The following KCNAB2 variants were observed in gnomAD, a reference collection of about 807,000 sequenced individuals.
KCNAB2 encodes the protein voltage-gated potassium channel subunit beta-2.
In KCNAB2, 29 loss-of-function variants were observed where a neutral mutation model predicts 63.6. The observed-to-expected ratio is 0.46, with a 90% CI of 0.34 to 0.62. The LOEUF (loss-of-function observed/expected upper bound fraction) is 0.62. Ranked by LOEUF, KCNAB2 falls within the 20% of genes least tolerant of loss-of-function variation. The probability of loss-of-function intolerance (pLI) is 0.01; values close to 1 mark genes in which losing one functional copy is unlikely to be tolerated. For missense variants in KCNAB2, 359 were observed against 563.9 expected (o/e 0.64, Z 3.68); for synonymous variants, 222 against 224.2 (o/e 0.99, Z 0.09).
At chr1:6,014,932 C>T (rs937126465) in intron 1 of KCNAB2, among the ~76,000 whole-genome samples, 1 of 151,990 alleles carries the variant, frequency 6.6e-6, no homozygotes, top group South Asian at 2.1e-4. Flanking sequence ...GCTCCAGCCC[C>T]CAGAGGAGCA....
At chr1:6,036,277 C>T (rs1281402406) in intron 1 of KCNAB2, among the ~76,000 whole-genome samples, 2 of 151,980 alleles carry the variant, frequency 1.3e-5, no homozygotes, top group African/African-American at 2.4e-5. Context: ...CCGAGGCGGG[C>T]GGATCACTTG....
chr1:6,029,572 A>C (rs1162890056), upstream of KCNAB2, among the ~76,000 whole-genome samples: 1 of 152,206 alleles, frequency 6.6e-6, no homozygotes, highest in Admixed American at 6.5e-5. Context: ...CCTCTGCCTG[A>C]TGTGACACCA....
In KCNAB2 at chr1:6,074,969, AG is replaced by A. The variant is rs961702730; in HGVS notation, c.300+1200del. On this transcript the variant is annotated intron_variant, in intron 4 of 15. Transcript: ENST00000378083. This position sits in a 1 kb window ranked among gnomAD's most constrained non-coding sequence, Gnocchi z 4.9. ...ACTCTGTCTCGAAAAAAAAAAAAAA[AG>A]ACAATAGCTGGTTATAGAATGATTT... Among the ~76,000 whole-genome samples, 1 of 151,466 alleles carries A rather than the reference AG, an allele frequency of 6.6e-6. No homozygotes were observed. The highest frequency in any genetic ancestry group is 2.4e-5 in the African/African-American group (1 of 41,186).
At chr1:5,996,954 C>G (rs1441300069) in intron 1 of KCNAB2, among the ~76,000 whole-genome samples, 1 of 152,196 alleles carries the variant, frequency 6.6e-6, no homozygotes, top group Non-Finnish European at 1.5e-5. Context: ...TCCTGAGTCA[C>G]CAGCCTGGGC....
intron 1 of KCNAB2, among the ~76,000 whole-genome samples, chr1:6,022,303 GTGTA>G (rs1240434249): frequency 6.6e-6 from 1 of 152,056 alleles, no homozygotes; most frequent in African/African-American, 2.4e-5. Flanking sequence ...GTGGTACTGA[GTGTA>G]TGGCTCAGTG....
At chr1:6,058,619 C>T (rs1047027165) in intron 2 of KCNAB2, among the ~76,000 whole-genome samples, 2 of 152,242 alleles carry the variant, frequency 1.3e-5, no homozygotes, top group Non-Finnish European at 2.9e-5. Context: ...ACACAGCAGT[C>T]GCTGTCCAGG....
chr1:6,052,253 C>A (rs1570964311), intron 2 of KCNAB2, among the ~76,000 whole-genome samples: 1 of 152,070 alleles, frequency 6.6e-6, no homozygotes, highest in African/African-American at 2.4e-5. Context: ...AAAACCCCAT[C>A]TCTACCCCAA....
At position 6,099,298 on chromosome 1, in the gene KCNAB2, G is replaced by A. The variant is rs1162288228; in HGVS notation, c.*724G>A. 1 of 153,620 alleles carries A rather than the reference G, an allele frequency of 6.5e-6. No individual in the cohort carries two copies. The highest frequency in any genetic ancestry group is 6.5e-5 in the Admixed American group (1 of 15,450). 9.5% of individuals were successfully genotyped at this position (153,620 alleles called of 1,614,324 possible). On this transcript the variant is annotated 3_prime_UTR_variant, in exon 16 of 16. Coordinates refer to ENST00000378083, the MANE Select transcript of KCNAB2 (RefSeq NM_001199862.2). ...CCAGGGGGATTGACTCTGCAGTTTG[G>A]GAGCCACAAAAAGCGTAGCGGTGTG...
intron 2 of KCNAB2, among the ~76,000 whole-genome samples, chr1:6,061,364 C>G (rs1409249464): frequency 6.6e-6 from 1 of 151,720 alleles, no homozygotes. Flanking sequence ...AGCACCGGGC[C>G]GGGCGGGGGC....
intron 1 of KCNAB2, chr1:6,018,830 ACC>A (rs1412810831): frequency 6.6e-6 from 1 of 152,216 alleles, no homozygotes; most frequent in African/African-American, 2.4e-5. Context: ...TGTTTCAGCC[ACC>A]CAGGTTGTGG....
chr1:6,098,627 C>G lies in KCNAB2; in HGVS notation c.*53C>G, dbSNP rs893767769. ...TTTCCGTTCCCTCCTAGTCTCTGTT[C>G]GCTCGCTTAAGCTGTTTTGAAGCCA... On this transcript the variant is annotated 3_prime_UTR_variant, in exon 16 of 16. Coordinates refer to ENST00000378083, the MANE Select transcript of KCNAB2 (RefSeq NM_001199862.2). 1 of 1,593,672 alleles carries G rather than the reference C, an allele frequency of 6.3e-7. No homozygotes were observed. The highest frequency in any genetic ancestry group is 8.6e-7 in the Non-Finnish European group (1 of 1,168,800).
At chr1:6,080,161 C>T (rs1225774571) in intron 4 of KCNAB2, among the ~76,000 whole-genome samples, 1 of 152,220 alleles carries the variant, frequency 6.6e-6, no homozygotes, top group Non-Finnish European at 1.5e-5. Flanking sequence ...CAGACTTAGC[C>T]CCTTCGGGGC....
At chr1:6,002,503 T>A (rs1321656883) in intron 1 of KCNAB2, among the ~76,000 whole-genome samples, 1 of 152,246 alleles carries the variant, frequency 6.6e-6, no homozygotes, top group Non-Finnish European at 1.5e-5. Context: ...ACAGACTCCC[T>A]GATGCCTGTC....
intron 1 of KCNAB2, among the ~76,000 whole-genome samples, chr1:6,048,942 C>T (rs970730460): frequency 3.9e-5 from 6 of 152,228 alleles, no homozygotes; most frequent in Admixed American, 1.3e-4. Flanking sequence ...TCCTGGAGTC[C>T]GGGCCTCTCT....
intron 10 of KCNAB2, 21 bp downstream of exon 10, chr1:6,091,328 G>A (rs1433898235): frequency 5.3e-6 from 8 of 1,501,518 alleles, no homozygotes; most frequent in African/African-American, 2.8e-5. Context: ...CCCCCAGCCT[G>A]ACTATTGACT....
At chr1:6,072,254 A>G (rs1301557533) in intron 2 of KCNAB2, among the ~76,000 whole-genome samples, 1 of 152,172 alleles carries the variant, frequency 6.6e-6, no homozygotes. Context: ...CAGCCCTACC[A>G]TGGAGCTCCC....
upstream of KCNAB2, among the ~76,000 whole-genome samples, chr1:6,031,411 C>T (rs1289918473): frequency 1.3e-5 from 2 of 152,330 alleles, no homozygotes; most frequent in East Asian, 3.9e-4. This position sits in a 1 kb window ranked among gnomAD's most constrained non-coding sequence, Gnocchi z 4.1. Context: ...TTAACTCCAA[C>T]AGAGAAATTG....
intron 5 of KCNAB2, among the ~76,000 whole-genome samples, chr1:6,084,191 AC>A (rs1186202213): frequency 6.6e-6 from 1 of 152,234 alleles, no homozygotes; most frequent in Non-Finnish European, 1.5e-5. Flanking sequence ...TTGCTCAGAA[AC>A]ATTTTGCTAC....
At chr1:6,004,104 GC>G (rs1191606250) in intron 1 of KCNAB2, among the ~76,000 whole-genome samples, 1 of 152,204 alleles carries the variant, frequency 6.6e-6, no homozygotes, top group Non-Finnish European at 1.5e-5. Context: ...AGACATTTCA[GC>G]CTCGAGGTTG....
Sources: allele counts gnomAD v4.1 joint callset (sites outside exome capture counted in the v4.1 genomes callset), GRCh38; gene constraint gnomAD v4.1.1; non-coding constraint Gnocchi (gnomAD v3.1); transcripts MANE v1.5; gene names NCBI Gene and HGNC (gene_info 2026-07-23, HGNC 2026-07-21).